LDB2: variants seen among roughly 807,000 people sequenced by gnomAD.
The protein encoded by LDB2 is LIM domain binding 2, also known as LIM domain-binding protein 2.
Under a neutral mutation model 44.3 loss-of-function variants are expected in LDB2, and 12 were observed. The observed-to-expected ratio is 0.27, with a 90% CI of 0.17 to 0.44. The LOEUF is 0.44. Ranked by LOEUF, LDB2 falls within the 20% of genes least tolerant of loss-of-function variation. LDB2 has a pLI of 1.00. For synonymous variants in LDB2, 164 were observed against 174.8 expected, an observed-to-expected ratio of 0.94 and a Z score of 0.49; for missense variants, 344 against 473.5, an observed-to-expected ratio of 0.73 and a Z score of 2.54.
chr4:16,525,885 C>T (rs2152288070), intron 5 of LDB2, among the ~76,000 whole-genome samples: 1 of 152,232 alleles, frequency 6.6e-6, no homozygotes, highest in African/African-American at 2.4e-5. Flanking sequence ...GCAGAGATAT[C>T]CACATTCTAA....
At chr4:16,706,252 G>A (rs1004798529) in intron 2 of LDB2, among the ~76,000 whole-genome samples, 4 of 152,102 alleles carry the variant, frequency 2.6e-5, no homozygotes, top group African/African-American at 9.7e-5. Context: ...AACCTTCAAG[G>A]TAATGGTATT....
In LDB2 at chr4:16,502,764, A is replaced by C. The variant is rs768641233; in HGVS notation, c.1001T>G (p.Met334Arg). 69 of 1,613,870 alleles carry C rather than the reference A, an allele frequency of 4.3e-5. No individual in the cohort carries two copies. The highest frequency in any genetic ancestry group is 3.4e-5 in the Non-Finnish European group (40 of 1,179,994). ...ENTQYDAANG[M>R]DDEEDFNNSP... is the part of the protein sequence containing the mutation. Reference sequence around the variant, plus strand: ...ATTGTTGAAGTCCTCCTCGTCGTCCATGCCGTTGGCCGCATCATATTGCGT... The same window carrying C: ...ATTGTTGAAGTCCTCCTCGTCGTCCCTGCCGTTGGCCGCATCATATTGCGT... The change falls in exon 8 of 8, where the codon ATG becomes AGG. Residue 334 changes from methionine to arginine, a missense_variant. This residue lies in a region of LDB2 where 86 missense variants were observed against 171.2 expected (regional missense o/e 0.50). Transcript: ENST00000304523.
chr4:16,597,811 G>A (rs1054991217), intron 2 of LDB2, among the ~76,000 whole-genome samples: 1 of 152,124 alleles, frequency 6.6e-6, no homozygotes, highest in Admixed American at 6.6e-5. Context: ...AAAGTTGAAT[G>A]GGAAAAAGGT....
chr4:16,732,941 GGGGAAAGGCATA>G (rs1761065088), intron 2 of LDB2, among the ~76,000 whole-genome samples: 1 of 152,148 alleles, frequency 6.6e-6, no homozygotes, highest in Non-Finnish European at 1.5e-5. Flanking sequence ...TTTAAGGTCG[GGGGAAAGGCATA>G]GGGATGTTCA....
At chr4:16,594,587 G>A (rs1720233398) in intron 3 of LDB2, among the ~76,000 whole-genome samples, 1 of 152,170 alleles carries the variant, frequency 6.6e-6, no homozygotes, top group Non-Finnish European at 1.5e-5. Flanking sequence ...CATTTCCTTT[G>A]CCTTTGGTTT....
intron 1 of LDB2, among the ~76,000 whole-genome samples, chr4:16,825,157 C>T (rs1331250996): frequency 6.6e-6 from 1 of 152,144 alleles, no homozygotes; most frequent in Non-Finnish European, 1.5e-5. Context: ...AAGGACACCA[C>T]AGGCAAAAGG....
intron 2 of LDB2, among the ~76,000 whole-genome samples, chr4:16,650,902 A>C (rs1738092878): frequency 6.6e-6 from 1 of 152,152 alleles, no homozygotes; most frequent in African/African-American, 2.4e-5. Flanking sequence ...TACTTCCCAA[A>C]CCCAAATGTG....
intron 5 of LDB2, among the ~76,000 whole-genome samples, chr4:16,579,746 T>C (rs890531096): frequency 2.0e-5 from 3 of 152,212 alleles, no homozygotes; most frequent in Non-Finnish European, 1.5e-5. Flanking sequence ...AACTGAGTTT[T>C]ATTTGTGTGG....
At chr4:16,691,255 A>C (rs779488771) in intron 2 of LDB2, among the ~76,000 whole-genome samples, 8 of 152,200 alleles carry the variant, frequency 5.3e-5, no homozygotes, top group Non-Finnish European at 8.8e-5. Flanking sequence ...GTGAAAAGGT[A>C]GTACTTACCC....
intron 5 of LDB2, among the ~76,000 whole-genome samples, chr4:16,539,348 A>G (rs1419977208): frequency 6.6e-6 from 1 of 152,196 alleles, no homozygotes; most frequent in Non-Finnish European, 1.5e-5. Flanking sequence ...GAAATCATCA[A>G]AAATTCAGCA....
chr4:16,728,459 G>A (rs73125865), intron 2 of LDB2, among the ~76,000 whole-genome samples: 4,147 of 149,418 alleles, frequency 0.028, 91 homozygotes, highest in African/African-American at 0.059. Context: ...CAAGTATCAG[G>A]CAGAGCATTA....
At chr4:16,590,211 G>A (rs1718436475) in intron 3 of LDB2, among the ~76,000 whole-genome samples, 1 of 152,086 alleles carries the variant, frequency 6.6e-6, no homozygotes, top group Non-Finnish European at 1.5e-5. Context: ...ATTTCACTAA[G>A]CAGCTTTGAT....
rs145933942 is a variant in LDB2, at chr4:16,712,040, A to G, written c.235+47118T>C. On this transcript the variant is annotated intron_variant, in intron 2 of 7. Transcript: ENST00000304523. ...AGATATGATCACAGAAGCACAGTCC[A>G]TAAAAGAAAAAAATTAACAATTTGG... is the stretch of plus-strand genomic sequence containing the variant. Among the ~76,000 whole-genome samples, 1,482 of 152,322 alleles carry G rather than the reference A, an allele frequency of 9.7e-3. 31 individuals carry two copies. Among genetic ancestry groups the G allele is most frequent in the African/African-American group, 0.034 (1,413 of 41,584 alleles).
chr4:16,746,413 C>T (rs1021464345), intron 2 of LDB2, among the ~76,000 whole-genome samples: 3 of 151,432 alleles, frequency 2.0e-5, no homozygotes, highest in Non-Finnish European at 2.9e-5. Flanking sequence ...GCCAAAGCCA[C>T]GGCTAATATT....
chr4:16,582,000 G>GGGAAGGAAGGGAAGGAAGGAAGGAA (rs1553912526), intron 5 of LDB2, among the ~76,000 whole-genome samples: 10 of 103,902 alleles, frequency 9.6e-5, no homozygotes, highest in African/African-American at 3.4e-4. Flanking sequence ...AGGGAAGGAA[G>GGGAAGGAAGGGAAGGAAGGAAGGAA]GGAAGGAAGG....
intron 2 of LDB2, among the ~76,000 whole-genome samples, chr4:16,628,771 A>G (rs576877049): frequency 4.6e-5 from 7 of 152,150 alleles, no homozygotes; most frequent in Non-Finnish European, 8.8e-5. Context: ...GGTGCAGCCC[A>G]TGGAGGGTGA....
At chr4:16,840,209 T>G (rs894897698) in intron 1 of LDB2, among the ~76,000 whole-genome samples, 1 of 152,110 alleles carries the variant, frequency 6.6e-6, no homozygotes, top group Non-Finnish European at 1.5e-5. Flanking sequence ...AATGGCAAAC[T>G]CAGGCACTGA....
At chr4:16,560,407 T>C (rs1741628612) in intron 5 of LDB2, among the ~76,000 whole-genome samples, 1 of 151,994 alleles carries the variant, frequency 6.6e-6, no homozygotes, top group African/African-American at 2.4e-5. Flanking sequence ...CCCACAGAAA[T>C]ACAAACTACC....
At chr4:16,625,249 C>A (rs1326345959) in intron 2 of LDB2, among the ~76,000 whole-genome samples, 2 of 152,134 alleles carry the variant, frequency 1.3e-5, no homozygotes, top group Admixed American at 6.6e-5. Context: ...ATATCTCTCC[C>A]TTGCTTTTGA....
Sources: gnomAD v4.1 joint callset for allele counts (sites outside exome capture counted in the v4.1 genomes callset) on GRCh38, gnomAD v4.1.1 for gene constraint, gnomAD v4.1.1 regional missense constraint, MANE v1.5 for transcripts, NCBI Gene and HGNC (gene_info 2026-07-23, HGNC 2026-07-21) for gene names.